The following PTPRD variants were observed in gnomAD, a reference collection of about 807,000 sequenced individuals.
The protein encoded by PTPRD is protein tyrosine phosphatase receptor type D, also known as receptor-type tyrosine-protein phosphatase delta.
Under a neutral mutation model 214.5 loss-of-function variants are expected in PTPRD, and 34 were observed. The observed-to-expected ratio is 0.16, with a 90% confidence interval of 0.12 to 0.21. PTPRD has a LOEUF of 0.21. PTPRD is among the 10% of genes least tolerant of loss of function. The pLI, the probability that PTPRD is intolerant of heterozygous loss-of-function variation, is 1.00. For synonymous variants in PTPRD, 1,128 were observed against 845.7 expected (o/e 1.33, Z -5.79); for missense variants, 2,545 against 2,398.7 (o/e 1.06, Z -1.27).
At chr9:8,321,990 T>G in intron 44 of PTPRD, among the ~76,000 whole-genome samples, 1 of 151,706 alleles carries the variant, frequency 6.6e-6, no homozygotes, top group Non-Finnish European at 1.5e-5. Context: ...TCAAATTTTT[T>G]CATACTATTA....
At chr9:10,590,148 C>T (rs2075058922) in intron 2 of PTPRD, among the ~76,000 whole-genome samples, 1 of 151,920 alleles carries the variant, frequency 6.6e-6, no homozygotes, top group African/African-American at 2.4e-5. Flanking sequence ...TGATAATTAG[C>T]AAGATTCAAA....
At chr9:9,374,746 C>T (rs1210932657) in intron 9 of PTPRD, among the ~76,000 whole-genome samples, 1 of 152,178 alleles carries the variant, frequency 6.6e-6, no homozygotes, top group Non-Finnish European at 1.5e-5. Flanking sequence ...AAGAACAAGG[C>T]ACCAGCCTGA....
intron 26 of PTPRD, among the ~76,000 whole-genome samples, chr9:8,494,782 G>A (rs757140915): frequency 2.0e-5 from 3 of 152,098 alleles, no homozygotes; most frequent in Admixed American, 6.6e-5. Flanking sequence ...GTATAATCTC[G>A]GCTGGACACA....
intron 5 of PTPRD, among the ~76,000 whole-genome samples, chr9:9,820,870 GT>G (rs1390271538): frequency 6.6e-6 from 1 of 152,076 alleles, no homozygotes; most frequent in Admixed American, 6.6e-5. Context: ...GTACCATGCT[GT>G]TTTGGCTACT....
chr9:9,160,577 G>C (rs2099886171), intron 10 of PTPRD, among the ~76,000 whole-genome samples: 1 of 152,078 alleles, frequency 6.6e-6, no homozygotes, highest in African/African-American at 2.4e-5. Flanking sequence ...GTCTTTTGCT[G>C]GTGGAAATAT....
chr9:9,592,402 T>A (rs1230686074), intron 7 of PTPRD, among the ~76,000 whole-genome samples: 1 of 152,120 alleles, frequency 6.6e-6, no homozygotes, highest in African/African-American at 2.4e-5. Flanking sequence ...CATGTATGCT[T>A]ATATGTTCAT....
At chr9:10,099,863 T>C (rs1052369364) in intron 3 of PTPRD, among the ~76,000 whole-genome samples, 141 of 151,862 alleles carry the variant, frequency 9.3e-4, no homozygotes, top group Non-Finnish European at 1.3e-3. Context: ...TTATGAAAGA[T>C]AGTTTAGAAG....
intron 10 of PTPRD, among the ~76,000 whole-genome samples, chr9:9,134,427 C>G (rs2154476799): frequency 6.6e-6 from 1 of 152,294 alleles, no homozygotes; most frequent in Non-Finnish European, 1.5e-5. Flanking sequence ...ATCAGCAATT[C>G]TCTTGGCTTT....
chr9:9,534,659 G>C (rs920764939), intron 8 of PTPRD, among the ~76,000 whole-genome samples: 4 of 152,114 alleles, frequency 2.6e-5, no homozygotes, highest in African/African-American at 9.6e-5. Context: ...AAAGTTCACT[G>C]AGTAAAGGGA....
chr9:10,554,795 G>C (rs2062110347), intron 2 of PTPRD, among the ~76,000 whole-genome samples: 1 of 151,944 alleles, frequency 6.6e-6, no homozygotes, highest in Admixed American at 6.6e-5. Context: ...CGAGTAGCTG[G>C]GACTACAGGC....
At chr9:9,315,132 T>C (rs1029714906) in intron 9 of PTPRD, among the ~76,000 whole-genome samples, 3 of 152,004 alleles carry the variant, frequency 2.0e-5, no homozygotes, top group African/African-American at 7.2e-5. Context: ...GTGAACATAT[T>C]TCCCCTTTCT....
chr9:8,319,661 T>C (rs998094446), intron 45 of PTPRD, among the ~76,000 whole-genome samples, 170 bp downstream of exon 45: 6 of 152,074 alleles, frequency 3.9e-5, no homozygotes, highest in African/African-American at 1.4e-4. Flanking sequence ...AAGACACTAA[T>C]AATCTCATCC....
chr9:9,328,462 C>A (rs1435949164), intron 9 of PTPRD, among the ~76,000 whole-genome samples: 2 of 151,844 alleles, frequency 1.3e-5, no homozygotes, highest in Non-Finnish European at 2.9e-5. Context: ...TTTCTTTAAA[C>A]TCAATTTCTG....
intron 7 of PTPRD, among the ~76,000 whole-genome samples, chr9:9,712,497 C>G (rs1308215604): frequency 6.6e-6 from 1 of 152,174 alleles, no homozygotes; most frequent in South Asian, 2.1e-4. Flanking sequence ...ACACATTGAA[C>G]CCGCAGGGAA....
chr9:10,169,874 T>G (rs1420576559), intron 3 of PTPRD, among the ~76,000 whole-genome samples: 1 of 152,156 alleles, frequency 6.6e-6, no homozygotes, highest in East Asian at 1.9e-4. Context: ...CAATAGAAGG[T>G]GATTCCAAGT....
intron 14 of PTPRD, among the ~76,000 whole-genome samples, chr9:8,600,028 A>G (rs749302832): frequency 6.6e-6 from 1 of 152,166 alleles, no homozygotes; most frequent in Admixed American, 6.5e-5. Flanking sequence ...ACAGTGGTGA[A>G]TTGCCCACGC....
intron 3 of PTPRD, among the ~76,000 whole-genome samples, chr9:10,057,363 G>A (rs891765168): frequency 1.2e-4 from 18 of 152,136 alleles, no homozygotes; most frequent in Admixed American, 2.0e-4. Context: ...AGATGTTGAG[G>A]AGGTGAAAAG....
chr9:10,176,636 A>G (rs978497296), intron 3 of PTPRD, among the ~76,000 whole-genome samples: 1 of 152,106 alleles, frequency 6.6e-6, no homozygotes, highest in Non-Finnish European at 1.5e-5. Context: ...ACAAATAATT[A>G]TCTCTCTGAG....
At chr9:9,426,042 G>A (rs1432625151) in intron 8 of PTPRD, among the ~76,000 whole-genome samples, 4 of 152,068 alleles carry the variant, frequency 2.6e-5, no homozygotes, top group African/African-American at 7.2e-5. Flanking sequence ...TCTCAATGGG[G>A]CTTGTCCGGC....
Sources: gnomAD v4.1 joint callset for allele counts (sites outside exome capture counted in the v4.1 genomes callset) on GRCh38, gnomAD v4.1.1 for gene constraint, MANE v1.5 for transcripts, NCBI Gene and HGNC (gene_info 2026-07-23, HGNC 2026-07-21) for gene names.